The following SYT2 variants were observed in gnomAD, a reference collection of about 807,000 sequenced individuals.
The protein encoded by SYT2 is synaptotagmin 2.
SYT2 carries 15 observed loss-of-function variants against 39.9 expected under a neutral mutation model. The observed-to-expected ratio is 0.38, with a 90% CI of 0.25 to 0.58. The LOEUF is 0.58. SYT2 is among the 20% of genes least tolerant of loss of function. The pLI, the probability that SYT2 is intolerant of heterozygous loss-of-function variation, is 0.70. For missense variants in SYT2, 389 were observed against 530.3 expected (o/e 0.73, Z 2.62); for synonymous variants, 181 against 204.5 (o/e 0.89, Z 0.98).
rs1690679657 is a variant in SYT2, at chr1:202,605,696, G to T, written c.77C>A (p.Pro26His). The stretch of plus-strand genomic sequence containing the variant: ...CCCACTCTCAGTGGAGTTGTCCACG[G>T]GTCCAATGGGCATCGTGGCGGTGGT... ...ATTTATMPIG[P>H]VDNSTESGGA... Residue 26 changes from proline (P) to histidine (H), a missense_variant, in exon 2 of 9, where the codon CCC becomes CAC. This residue lies in a region of SYT2 where 280 missense variants were observed against 335.6 expected (regional missense o/e 0.83). Transcript: ENST00000367268. 1 of 1,613,948 alleles carries T rather than the reference G, an allele frequency of 6.2e-7. No homozygotes were observed. Among genetic ancestry groups the T allele is most frequent in the African/African-American group, 1.3e-5 (1 of 75,016 alleles).
At chr1:202,707,297 C>A (rs4572021) in intron 1 of SYT2, among the ~76,000 whole-genome samples, 43,520 of 152,066 alleles carry the variant, frequency 0.29, 6,766 homozygotes, top group Admixed American at 0.4. Context: ...TTGTACTTAG[C>A]AGCCCTGGGA....
intron 1 of SYT2, among the ~76,000 whole-genome samples, chr1:202,665,742 C>T (rs1692470228): frequency 6.6e-6 from 1 of 152,196 alleles, no homozygotes; most frequent in African/African-American, 2.4e-5. Flanking sequence ...CTGTCTCTTG[C>T]TCCTTTCCAC....
intron 1 of SYT2, among the ~76,000 whole-genome samples, chr1:202,606,612 C>T (rs1166391537): frequency 1.3e-5 from 2 of 152,140 alleles, no homozygotes; most frequent in Admixed American, 6.6e-5. Flanking sequence ...AGACGGCACC[C>T]ACATCTCCAT....
intron 1 of SYT2, among the ~76,000 whole-genome samples, chr1:202,618,005 C>T (rs1444697528): frequency 1.3e-5 from 2 of 152,126 alleles, no homozygotes; most frequent in African/African-American, 4.8e-5. Context: ...CAGGTTCAAG[C>T]AATTCTCCTG....
intron 1 of SYT2, among the ~76,000 whole-genome samples, chr1:202,651,806 A>G (rs1692199543): frequency 6.6e-6 from 1 of 152,232 alleles, no homozygotes; most frequent in African/African-American, 2.4e-5. Context: ...CACGCCTGTA[A>G]TCCCAGCACC....
At chr1:202,689,206 A>C (rs1653756370) in intron 1 of SYT2, among the ~76,000 whole-genome samples, 1 of 152,124 alleles carries the variant, frequency 6.6e-6, no homozygotes, top group South Asian at 2.1e-4. Flanking sequence ...GAAGGGAAGG[A>C]GATTAGCACA....
At chr1:202,674,914 T>TGAGAGGTCACTCAC (rs1653320667) in intron 1 of SYT2, among the ~76,000 whole-genome samples, 1 of 47,824 alleles carries the variant, frequency 2.1e-5, no homozygotes, top group Non-Finnish European at 7.3e-5. Context: ...CTCAATGTCA[T>TGAGAGGTCACTCAC]GATCTCAGCC....
rs1475295841 is a variant in SYT2 at position 202,590,648 on chromosome 1, A to G, written c.*6109T>C. 6.6e-6 allele frequency: 1 copy of G among 151,458 alleles called. No individual in the cohort carries two copies. The highest frequency in any genetic ancestry group is 1.5e-5 in the Non-Finnish European group (1 of 67,934). The allele number at this position is 151,458 out of a possible 1,614,324, so 9.4% of individuals were successfully genotyped here. On this transcript the variant is annotated 3_prime_UTR_variant, in exon 9 of 9. Transcript: ENST00000367268. ...GAGACGCAGTTCATTACAAAATAAC[A>G]ATTTGACAAGAGATCAGACAAGAAC...
At chr1:202,701,453 G>C (rs1177815707) in intron 1 of SYT2, among the ~76,000 whole-genome samples, 1 of 152,180 alleles carries the variant, frequency 6.6e-6, no homozygotes, top group African/African-American at 2.4e-5. Flanking sequence ...TTCCATCACA[G>C]AGAATATTAA....
intron 1 of SYT2, among the ~76,000 whole-genome samples, chr1:202,616,961 C>T (rs1478863712): frequency 1.3e-5 from 2 of 152,218 alleles, no homozygotes; most frequent in African/African-American, 2.4e-5. Context: ...TCCGTATTTG[C>T]CACCAAGGCA....
Position 202,602,455 on chromosome 1 carries a change from C to T in SYT2, c.556G>A (p.Asp186Asn). 2 of 1,614,050 alleles carry T rather than the reference C, an allele frequency of 1.2e-6. No individual in the cohort carries two copies. The highest frequency in any genetic ancestry group is 4.5e-5 in the East Asian group (2 of 44,890). The change falls in exon 5 of 9, where the codon GAC (aspartate) becomes AAC (asparagine). Residue 186 changes from aspartate to asparagine, a missense_variant. Asp to Asn is a conservative substitution (Grantham distance 23). Coordinates refer to ENST00000367268, the MANE Select transcript of SYT2 (RefSeq NM_177402.5). Reference sequence around the variant, plus strand: ...TTGGTCTCATATTTCTTCTTCTTGTCAGGAAGGAGGAAGACCTTGACATAA... The same window carrying T: ...TTGGTCTCATATTTCTTCTTCTTGTTAGGAAGGAGGAAGACCTTGACATAA... ...DPYVKVFLLP[D>N]KKKKYETKVH...
At chr1:202,663,107 G>A (rs528253958) in intron 1 of SYT2, among the ~76,000 whole-genome samples, 1 of 152,108 alleles carries the variant, frequency 6.6e-6, no homozygotes, top group Admixed American at 6.6e-5. Context: ...TGTGGGGCAA[G>A]GGACAGCAAT....
rs1283494428 is a variant in SYT2, at chr1:202,650,440, G to GT, written c.-17-44652dup. 1.9e-3 allele frequency among the ~76,000 whole-genome samples: 258 copies of GT among 136,418 alleles called. 1 individual carries two copies. The highest frequency in any genetic ancestry group is 6.7e-3 in the South Asian group (31 of 4,602). 89.5% of individuals were successfully genotyped at this position (136,418 alleles called of 152,430 possible). On this transcript the variant is annotated intron_variant, in intron 1 of 8. Coordinates refer to ENST00000367268, the MANE Select transcript of SYT2 (RefSeq NM_177402.5). Reference sequence around the variant, plus strand: ...CCAAACATTTGTTTCATATGCTTTTGTTTTTTTTTTTTTGAGACATAGTTT... The same window carrying GT: ...CCAAACATTTGTTTCATATGCTTTTGTTTTTTTTTTTTTTGAGACATAGTTT...
At position 202,594,362 on chromosome 1, in the gene SYT2, T is replaced by C. The variant is rs1441352894; in HGVS notation, c.*2395A>G. 1.3e-5 allele frequency: 2 copies of C among 152,084 alleles called. No homozygotes were observed. Among genetic ancestry groups the C allele is most frequent in the Non-Finnish European group, 2.9e-5 (2 of 68,060 alleles). The allele number at this position is 152,084 out of a possible 1,614,324, so 9.4% of individuals were successfully genotyped here. On this transcript the variant is annotated 3_prime_UTR_variant, in exon 9 of 9. Transcript: ENST00000367268. ...GGAAGGGCTGAATGAAGTTCATGAA[T>C]GGAAAAGAATCCAGGTGGTAGAAGA...
At position 202,613,097 on chromosome 1, in the gene SYT2, T is replaced by TAC. The variant is rs1553336345; in HGVS notation, c.-17-7309_-17-7308insGT. Among the ~76,000 whole-genome samples the TAC allele has an allele frequency of 1.9e-3, 237 of 122,980 alleles. 6 individuals are homozygous for TAC. Among genetic ancestry groups the TAC allele is most frequent in the South Asian group, 8.0e-3 (30 of 3,734 alleles). 80.7% of individuals were successfully genotyped at this position (122,980 alleles called of 152,430 possible). On this transcript the variant is annotated intron_variant, in intron 1 of 8. Coordinates refer to ENST00000367268, the MANE Select transcript of SYT2 (RefSeq NM_177402.5). ...TTTTTTTTTTTTTTTTTTTTTTTTT[T>TAC]CCAGACAGAGTCTCGCTCTGTCGCC...
chr1:202,653,778 T>C (rs1252384846), intron 1 of SYT2, among the ~76,000 whole-genome samples: 1 of 152,108 alleles, frequency 6.6e-6, no homozygotes, highest in Non-Finnish European at 1.5e-5. Flanking sequence ...CCTCTGTGGG[T>C]CACCACAGTG....
chr1:202,652,969 T>G (rs1203453074), intron 1 of SYT2, among the ~76,000 whole-genome samples: 1 of 133,852 alleles, frequency 7.5e-6, no homozygotes, highest in Non-Finnish European at 1.6e-5. Context: ...CACCCCCCCT[T>G]AGAGTTTGGA....
intron 6 of SYT2, 134 bp from the exon 7 acceptor site, chr1:202,600,608 T>A: frequency 1.4e-6 from 1 of 727,020 alleles, no homozygotes. Context: ...CCCATATATG[T>A]GATGGCCGAG....
At chr1:202,608,875 AAC>A (rs924822536) in intron 1 of SYT2, among the ~76,000 whole-genome samples, 1 of 152,176 alleles carries the variant, frequency 6.6e-6, no homozygotes, top group African/African-American at 2.4e-5. Context: ...CATCCCAGAC[AAC>A]ACTTATTTTT....
Sources: allele counts gnomAD v4.1 joint callset (sites outside exome capture counted in the v4.1 genomes callset), GRCh38; gene constraint gnomAD v4.1.1; regional missense constraint gnomAD v4.1.1; transcripts MANE v1.5; gene names NCBI Gene and HGNC (gene_info 2026-07-23, HGNC 2026-07-21).